CNBD1: variants seen among roughly 807,000 people sequenced by gnomAD.
CNBD1 encodes the protein cyclic nucleotide binding domain containing 1.
Under a neutral mutation model 54.4 loss-of-function variants are expected in CNBD1, and 71 were observed. The ratio of observed to expected loss-of-function variants is 1.30; its 90% CI spans 1.08 to 1.59. The LOEUF (loss-of-function observed/expected upper bound fraction) is 1.59, where lower values mean the gene tolerates loss of function less well. Ranked by LOEUF, CNBD1 falls within the 40% of genes most tolerant of loss-of-function variation. The probability of loss-of-function intolerance (pLI) is 0.00; values close to 1 mark genes in which losing one functional copy is unlikely to be tolerated. For synonymous variants in CNBD1, 182 were observed against 170.7 expected (o/e 1.07, Z -0.51); for missense variants, 659 against 518.0 (o/e 1.27, Z -2.64).
intron 4 of CNBD1, among the ~76,000 whole-genome samples, chr8:86,967,525 TC>T (rs1808112138): frequency 6.6e-6 from 1 of 152,246 alleles, no homozygotes; most frequent in East Asian, 1.9e-4. Flanking sequence ...CAGTGTCATG[TC>T]TTCTGCCATC....
intron 4 of CNBD1, among the ~76,000 whole-genome samples, chr8:86,978,534 C>CTTTTTTTTTTT (rs71277907): frequency 1.5e-5 from 1 of 66,718 alleles, no homozygotes; most frequent in Non-Finnish European, 2.6e-5. Flanking sequence ...ATGCTTTTAT[C>CTTTTTTTTTTT]TTTTTTTTTT....
At chr8:87,153,645 A>G (rs1333102804) in intron 4 of CNBD1, among the ~76,000 whole-genome samples, 3 of 152,206 alleles carry the variant, frequency 2.0e-5, no homozygotes, top group Non-Finnish European at 4.4e-5. Flanking sequence ...GAGAAATATA[A>G]CTAATTGTTT....
At chr8:87,230,479 A>G (rs1814658926) in intron 5 of CNBD1, among the ~76,000 whole-genome samples, 1 of 152,188 alleles carries the variant, frequency 6.6e-6, no homozygotes, top group Non-Finnish European at 1.5e-5. Flanking sequence ...CAGAGCACTC[A>G]TATGTATGTA....
intron 4 of CNBD1, among the ~76,000 whole-genome samples, chr8:86,944,487 G>A (rs1586152583): frequency 6.6e-6 from 1 of 152,202 alleles, no homozygotes; most frequent in South Asian, 2.1e-4. Context: ...TTATGAAACA[G>A]GAGAAAGAGG....
intron 5 of CNBD1, among the ~76,000 whole-genome samples, chr8:87,233,862 C>G (rs1359461566): frequency 6.6e-6 from 1 of 152,182 alleles, no homozygotes; most frequent in East Asian, 1.9e-4. Flanking sequence ...GCATGTAATG[C>G]TGTTTGATAG....
chr8:87,328,132 C>T (rs188652775), intron 8 of CNBD1, among the ~76,000 whole-genome samples: 2 of 152,004 alleles, frequency 1.3e-5, no homozygotes, highest in South Asian at 4.1e-4. Flanking sequence ...GCTCTCCTTC[C>T]CCGTGCCCCC....
At chr8:86,883,217 TA>T (rs1808630461) in intron 1 of CNBD1, among the ~76,000 whole-genome samples, 2 of 152,100 alleles carry the variant, frequency 1.3e-5, no homozygotes, top group African/African-American at 4.8e-5. Flanking sequence ...AAAGTTATTA[TA>T]ATTGGTAGGG....
In CNBD1 at chr8:87,423,501, G is replaced by T. The variant is rs532343760; in HGVS notation, c.214-5045G>T. 1.6e-4 allele frequency among the ~76,000 whole-genome samples: 24 copies of T among 151,606 alleles called. No homozygotes were observed. In the South Asian group the frequency reaches 4.6e-3, roughly 29 times the overall value. On this transcript the variant is annotated intron_variant, in intron 2 of 7. Coordinates refer to the CNBD1 transcript ENST00000521593. The stretch of plus-strand genomic sequence containing the variant: ...TTAGCATGAAGGGTTGTTGAATTTT[G>T]TCAAAGGCCTTTTCTGCATCTATTG...
intron 5 of CNBD1, among the ~76,000 whole-genome samples, chr8:87,229,114 A>G (rs984291174): frequency 3.9e-5 from 6 of 152,136 alleles, no homozygotes; most frequent in Non-Finnish European, 5.9e-5. Context: ...TGGCTCGCAC[A>G]TGGTGCGCGC....
chr8:87,371,320 G>T (rs1435819667), intron 10 of CNBD1, among the ~76,000 whole-genome samples: 3 of 152,020 alleles, frequency 2.0e-5, no homozygotes, highest in African/African-American at 4.8e-5. Context: ...ACCTTGGGCA[G>T]TATGGCCATT....
intron 5 of CNBD1, among the ~76,000 whole-genome samples, chr8:87,211,401 G>T (rs1814095253): frequency 6.6e-6 from 1 of 152,222 alleles, no homozygotes; most frequent in East Asian, 1.9e-4. Flanking sequence ...TGGAATGTGA[G>T]AAGAATATGA....
chr8:87,098,169 T>G (rs2130689182), intron 4 of CNBD1, among the ~76,000 whole-genome samples: 1 of 152,304 alleles, frequency 6.6e-6, no homozygotes. Context: ...CTGGAAAGAC[T>G]TGGGGGCAAA....
intron 2 of CNBD1, among the ~76,000 whole-genome samples, chr8:87,407,112 C>T (rs1466867952): frequency 6.6e-6 from 1 of 151,956 alleles, no homozygotes; most frequent in African/African-American, 2.4e-5. Flanking sequence ...CCATACTGAT[C>T]ACAAAACAAT....
intron 10 of CNBD1, among the ~76,000 whole-genome samples, chr8:87,379,378 G>T (rs1343575436): frequency 6.6e-6 from 1 of 151,706 alleles, no homozygotes; most frequent in Non-Finnish European, 1.5e-5. Context: ...GCACCAAGCG[G>T]ACCTAGTAGA....
chr8:87,263,506 G>T (rs569057836), intron 6 of CNBD1, among the ~76,000 whole-genome samples: 1 of 152,074 alleles, frequency 6.6e-6, no homozygotes, highest in East Asian at 1.9e-4. Flanking sequence ...AATACACACA[G>T]TCACAAACAA....
At chr8:86,936,426 G>A (rs1379968998) in intron 3 of CNBD1, among the ~76,000 whole-genome samples, 3 of 152,024 alleles carry the variant, frequency 2.0e-5, no homozygotes, top group Non-Finnish European at 4.4e-5. Flanking sequence ...GGAACATGTA[G>A]AATTTGTTTG....
At chr8:87,301,225 A>G (rs1456443395) in intron 8 of CNBD1, among the ~76,000 whole-genome samples, 1 of 152,190 alleles carries the variant, frequency 6.6e-6, no homozygotes, top group Non-Finnish European at 1.5e-5. Flanking sequence ...GCCAACAAAA[A>G]AAGTCCAGGA....
In CNBD1 at chr8:87,132,813, A is replaced by G. The variant is rs1489371649; in HGVS notation, c.432-73180A>G. Among the ~76,000 whole-genome samples the G allele has an allele frequency of 1.0e-4, 15 of 148,346 alleles. No homozygotes were observed. In the Admixed American group the frequency reaches 1.0e-3, roughly 10 times the overall value. On this transcript the variant is annotated intron_variant, in intron 4 of 10. Transcript: ENST00000518476. ...TATATATGTGTATATATATACATAT[A>G]TATATACACACACATATATATATAT...
chr8:87,326,335 A>G (rs1365465122), intron 8 of CNBD1, among the ~76,000 whole-genome samples: 2 of 124,342 alleles, frequency 1.6e-5, no homozygotes, highest in Non-Finnish European at 3.6e-5. Flanking sequence ...TATTTCCTGA[A>G]TCTGAACGTT....
Sources: gnomAD v4.1 joint callset for allele counts (sites outside exome capture counted in the v4.1 genomes callset) on GRCh38, gnomAD v4.1.1 for gene constraint, MANE v1.5 for transcripts, NCBI Gene and HGNC (gene_info 2026-07-23, HGNC 2026-07-21) for gene names.